RPH3A: variants seen among roughly 807,000 people sequenced by gnomAD.
The protein encoded by RPH3A is rabphilin-3A.
RPH3A carries 48 observed loss-of-function variants against 102.2 expected under a neutral mutation model. The ratio of observed to expected loss-of-function variants is 0.47; its 90% CI spans 0.37 to 0.60. RPH3A has a LOEUF of 0.60. RPH3A is among the 20% of genes least tolerant of loss of function. RPH3A has a pLI of 0.00. For synonymous variants in RPH3A, 310 were observed against 324.3 expected, an observed-to-expected ratio of 0.96 and a Z score of 0.47; for missense variants, 781 against 910.1, an observed-to-expected ratio of 0.86 and a Z score of 1.83.
In RPH3A at chr12:112,827,182, T is replaced by C. The variant is rs1005957192; in HGVS notation, c.-18-1119T>C. ...CACCATCATCAACTTTAGAATATTT[T>C]CACTGTCCTTACAAAGAAACGCTGC... On this transcript the variant is annotated intron_variant, in intron 2 of 21. Transcript: ENST00000389385. Among the ~76,000 whole-genome samples the C allele has an allele frequency of 2.6e-5, 4 of 152,348 alleles. No homozygotes were observed. The South Asian group carries it at 8.3e-4, about 32-fold the overall frequency.
chr12:112,875,223 C>G, intron 11 of RPH3A, 53 bp downstream of exon 11: 1 of 1,354,966 alleles, frequency 7.4e-7, no homozygotes. Flanking sequence ...CGGCTGTGAC[C>G]CTCATACCTC....
intron 1 of RPH3A, among the ~76,000 whole-genome samples, chr12:112,724,662 G>A (rs1370556598): frequency 6.6e-6 from 1 of 152,204 alleles, no homozygotes; most frequent in Non-Finnish European, 1.5e-5. Context: ...CACATAGCAA[G>A]TAAGCAGTAC....
intron 4 of RPH3A, among the ~76,000 whole-genome samples, chr12:112,846,862 A>C (rs1351292890): frequency 6.6e-6 from 1 of 152,178 alleles, no homozygotes; most frequent in Non-Finnish European, 1.5e-5. Context: ...CACAGATCCC[A>C]TTCTTTCCGT....
rs949144074 is a variant in RPH3A, at chr12:112,814,294, A to AT, written c.-18-14003dup. 5.5e-4 allele frequency among the ~76,000 whole-genome samples: 83 copies of AT among 152,222 alleles called. 1 individual carries two copies. The highest frequency in any genetic ancestry group is 2.0e-3 in the African/African-American group (82 of 41,526). On this transcript the variant is annotated intron_variant, in intron 2 of 21. Transcript: ENST00000389385. ...GTCAAATGCCCCCTATATGTGGGGC[A>AT]TTTTAACCACATATAAGAGAGAAGA...
intron 1 of RPH3A, among the ~76,000 whole-genome samples, chr12:112,767,455 G>A (rs1349703799): frequency 3.3e-5 from 5 of 152,172 alleles, no homozygotes; most frequent in African/African-American, 4.8e-5. Context: ...ACTGCATGGC[G>A]TGGCATTCGG....
chr12:112,725,682 G>A (rs550704809), intron 1 of RPH3A, among the ~76,000 whole-genome samples: 1 of 152,158 alleles, frequency 6.6e-6, no homozygotes, highest in Admixed American at 6.5e-5. Context: ...GGAGAGACCC[G>A]TGATCAGATC....
intron 1 of RPH3A, among the ~76,000 whole-genome samples, chr12:112,736,284 G>T (rs1483015463): frequency 1.3e-5 from 2 of 152,212 alleles, no homozygotes; most frequent in African/African-American, 2.4e-5. Flanking sequence ...GTCCCTGAGG[G>T]ACAAAACCAC....
At chr12:112,717,919 G>A (rs1192682560) in intron 1 of RPH3A, 1 of 152,104 alleles carries the variant, frequency 6.6e-6, no homozygotes, top group East Asian at 1.9e-4. Flanking sequence ...GTTGTTGATA[G>A]TCACTTTAAT....
chr12:112,862,604 G>T (rs2042537763), intron 5 of RPH3A, among the ~76,000 whole-genome samples: 1 of 152,080 alleles, frequency 6.6e-6, no homozygotes, highest in Admixed American at 6.5e-5. Context: ...TGGGGTGGGT[G>T]GGGGGAAAAT....
intron 2 of RPH3A, chr12:112,813,452 C>T (rs1029134911): frequency 4.6e-5 from 7 of 152,172 alleles, no homozygotes; most frequent in Non-Finnish European, 7.3e-5. Context: ...TAGAGGCAGG[C>T]CTTGAAGATT....
intron 1 of RPH3A, among the ~76,000 whole-genome samples, chr12:112,763,117 G>T (rs1312476787): frequency 6.6e-6 from 1 of 152,208 alleles, no homozygotes; most frequent in East Asian, 1.9e-4. Context: ...ATACTGTCGT[G>T]CTATTAGCCC....
intron 1 of RPH3A, among the ~76,000 whole-genome samples, chr12:112,636,382 T>C (rs532745107): frequency 6.6e-6 from 1 of 152,350 alleles, no homozygotes; most frequent in African/African-American, 2.4e-5. Context: ...TAGGTGAACT[T>C]GTGCCCACCC....
intron 2 of RPH3A, among the ~76,000 whole-genome samples, chr12:112,794,598 G>A (rs963157718): frequency 2.0e-5 from 3 of 152,158 alleles, no homozygotes; most frequent in Non-Finnish European, 4.4e-5. Flanking sequence ...CCTTGGAGAG[G>A]CTCTGCTCTG....
At chr12:112,718,036 G>C (rs2040525933) in intron 1 of RPH3A, 1 of 152,176 alleles carries the variant, frequency 6.6e-6, no homozygotes, top group Admixed American at 6.5e-5. Flanking sequence ...TTCAGCACCA[G>C]CTTAGATTCT....
At chr12:112,790,907 G>C (rs1439173550), upstream of RPH3A, among the ~76,000 whole-genome samples, 1 of 152,136 alleles carries the variant, frequency 6.6e-6, no homozygotes, top group Non-Finnish European at 1.5e-5. Context: ...GACAGGTTAT[G>C]GACCATGAAA....
At chr12:112,712,677 G>A (rs778399952) in intron 1 of RPH3A, among the ~76,000 whole-genome samples, 6 of 151,810 alleles carry the variant, frequency 4.0e-5, no homozygotes, top group Admixed American at 1.3e-4. Context: ...GTGTGTATGT[G>A]TGTGTGTGTG....
intron 1 of RPH3A, among the ~76,000 whole-genome samples, chr12:112,704,133 G>T (rs1190326670): frequency 6.7e-6 from 1 of 150,102 alleles, no homozygotes; most frequent in African/African-American, 2.5e-5. Context: ...CTGTTGCCCA[G>T]GCTGGAGTGC....
chr12:112,819,731 G>A (rs2041744355), intron 2 of RPH3A, among the ~76,000 whole-genome samples: 1 of 152,228 alleles, frequency 6.6e-6, no homozygotes. Context: ...CTGTATTTTG[G>A]CTGGGACTGG....
At chr12:112,681,328 G>T (rs1379695075) in intron 1 of RPH3A, among the ~76,000 whole-genome samples, 1 of 152,164 alleles carries the variant, frequency 6.6e-6, no homozygotes, top group Non-Finnish European at 1.5e-5. Flanking sequence ...GCCCCTGCAG[G>T]TCTGCAACCC....
Sources: allele counts gnomAD v4.1 joint callset (sites outside exome capture counted in the v4.1 genomes callset), GRCh38; gene constraint gnomAD v4.1.1; transcripts MANE v1.5; gene names NCBI Gene and HGNC (gene_info 2026-07-23, HGNC 2026-07-21).